RAD51B: variants seen among roughly 807,000 people sequenced by gnomAD.
The protein encoded by RAD51B is DNA repair protein RAD51 homolog 2.
A neutral mutation model predicts 42.2 loss-of-function variants in RAD51B; 38 were observed. The ratio of observed to expected loss-of-function variants is 0.90; its 90% confidence interval spans 0.70 to 1.18. The LOEUF (loss-of-function observed/expected upper bound fraction) is 1.18, where lower values mean the gene tolerates loss of function less well. Ranked by LOEUF, RAD51B falls within the 50% of genes most tolerant of loss-of-function variation. The probability of loss-of-function intolerance (pLI) is 0.00; values close to 1 mark genes in which losing one functional copy is unlikely to be tolerated. For missense variants in RAD51B, 373 were observed against 400.7 expected (o/e 0.93, Z 0.59); for synonymous variants, 154 against 145.2 (o/e 1.06, Z -0.43).
At chr14:68,156,267 C>G (rs1225112092) in intron 7 of RAD51B, among the ~76,000 whole-genome samples, 1 of 152,164 alleles carries the variant, frequency 6.6e-6, no homozygotes, top group Non-Finnish European at 1.5e-5. Flanking sequence ...AGAGTCCTTG[C>G]AGAATGGAAG....
intron 7 of RAD51B, among the ~76,000 whole-genome samples, chr14:67,970,812 C>T (rs539821811): frequency 1.3e-5 from 2 of 152,032 alleles, no homozygotes; most frequent in East Asian, 3.9e-4. Context: ...ATAATTTAGA[C>T]AAAGGAGATA....
At chr14:68,260,030 GAT>G (rs1275291721) in intron 7 of RAD51B, among the ~76,000 whole-genome samples, 2 of 152,040 alleles carry the variant, frequency 1.3e-5, no homozygotes, top group African/African-American at 4.8e-5. Context: ...TTCGAGTGGT[GAT>G]ATATTTGACC....
intron 10 of RAD51B, among the ~76,000 whole-genome samples, chr14:68,617,205 T>C (rs1891843826): frequency 6.6e-6 from 1 of 152,146 alleles, no homozygotes; most frequent in African/African-American, 2.4e-5. Flanking sequence ...CTTTAAGGAG[T>C]ATTGAGTTTT....
chr14:68,681,550 C>A (rs903503158), intron 11 of RAD51B, among the ~76,000 whole-genome samples: 1 of 152,156 alleles, frequency 6.6e-6, no homozygotes, highest in South Asian at 2.1e-4. Context: ...ATGGAGCAGG[C>A]AGGTGCCTTT....
At chr14:68,596,727 C>T (rs1891012366), downstream of RAD51B, among the ~76,000 whole-genome samples, 1 of 152,266 alleles carries the variant, frequency 6.6e-6, no homozygotes, top group Non-Finnish European at 1.5e-5. Flanking sequence ...ATCTAGCTTT[C>T]AGCTACTCCT....
chr14:67,945,067 C>T (rs2140190659), intron 7 of RAD51B, among the ~76,000 whole-genome samples: 1 of 152,266 alleles, frequency 6.6e-6, no homozygotes, highest in Non-Finnish European at 1.5e-5. Context: ...GGCAAGACCT[C>T]CTTTGGCTAC....
At chr14:68,063,804 G>T (rs1379364926) in intron 7 of RAD51B, among the ~76,000 whole-genome samples, 1 of 152,140 alleles carries the variant, frequency 6.6e-6, no homozygotes, top group African/African-American at 2.4e-5. Context: ...GTCGGATCTT[G>T]TTTTATTATA....
At chr14:68,662,639 A>G (rs1892955796) in intron 11 of RAD51B, among the ~76,000 whole-genome samples, 1 of 152,214 alleles carries the variant, frequency 6.6e-6, no homozygotes. Flanking sequence ...GCTGCCTACC[A>G]CAATGCCATG....
At chr14:68,041,066 G>A (rs2076209688) in intron 7 of RAD51B, among the ~76,000 whole-genome samples, 1 of 152,126 alleles carries the variant, frequency 6.6e-6, no homozygotes, top group Non-Finnish European at 1.5e-5. Flanking sequence ...TGGATCATGG[G>A]GGTGAATTTC....
chr14:68,649,788 A>G (rs116409936), intron 10 of RAD51B, among the ~76,000 whole-genome samples: 2,922 of 152,232 alleles, frequency 0.019, 90 homozygotes, highest in African/African-American at 0.065. Flanking sequence ...CATGATGAAC[A>G]CCTTCCGCAA....
At chr14:68,675,252 C>G (rs1470333368) in intron 11 of RAD51B, among the ~76,000 whole-genome samples, 2 of 152,150 alleles carry the variant, frequency 1.3e-5, no homozygotes, top group African/African-American at 4.8e-5. Context: ...GGGTCTAAAA[C>G]AATCTGGGTT....
chr14:68,032,542 T>C (rs569605203), intron 7 of RAD51B, among the ~76,000 whole-genome samples: 10 of 152,314 alleles, frequency 6.6e-5, no homozygotes, highest in African/African-American at 2.4e-4. Context: ...CCTCTCTACA[T>C]TTAATCATCA....
chr14:68,385,648 CATT>C (rs1484462761), intron 8 of RAD51B, among the ~76,000 whole-genome samples: 5 of 152,178 alleles, frequency 3.3e-5, no homozygotes, highest in African/African-American at 9.7e-5. Context: ...TCATAATCAT[CATT>C]GTCTCTGCTG....
intron 3 of RAD51B, among the ~76,000 whole-genome samples, chr14:67,827,606 CTATTCTT>C (rs2140282988): frequency 6.6e-6 from 1 of 152,242 alleles, no homozygotes; most frequent in South Asian, 2.1e-4. Flanking sequence ...CGTCCATTAG[CTATTCTT>C]CCTGAAGCTC....
At chr14:68,207,294 G>T (rs575422433) in intron 7 of RAD51B, among the ~76,000 whole-genome samples, 1 of 152,182 alleles carries the variant, frequency 6.6e-6, no homozygotes, top group Admixed American at 6.5e-5. Context: ...TAGAAATCAT[G>T]AATTGATTCA....
At chr14:68,455,817 G>C (rs2085671654) in intron 9 of RAD51B, among the ~76,000 whole-genome samples, 1 of 151,964 alleles carries the variant, frequency 6.6e-6, no homozygotes, top group Non-Finnish European at 1.5e-5. Flanking sequence ...TCATTTGTAA[G>C]TCTTTTCCTC....
rs77981621 is a variant in RAD51B, at chr14:68,297,222, C to T, written c.853+5242C>T. On this transcript the variant is annotated intron_variant, in intron 8 of 10. Coordinates refer to ENST00000471583, the MANE Select transcript of RAD51B (RefSeq NM_133510.4). ...TGTGAAAGAAGCAAACTTCAAAGCG[C>T]GGTATGAATTTTCAAGTCTTATTTC... is the stretch of plus-strand genomic sequence containing the variant. Among the ~76,000 whole-genome samples, 1,013 of 152,224 alleles carry T rather than the reference C, an allele frequency of 6.7e-3. 8 individuals carry two copies. The highest frequency in any genetic ancestry group is 0.021 in the African/African-American group (869 of 41,536).
At chr14:67,853,606 T>C (rs1297032342) in intron 4 of RAD51B, among the ~76,000 whole-genome samples, 1 of 152,210 alleles carries the variant, frequency 6.6e-6, no homozygotes, top group East Asian at 1.9e-4. Flanking sequence ...TCTTTGTTTC[T>C]GGTTAAAAGG....
At chr14:68,205,305 G>A (rs911509048) in intron 7 of RAD51B, among the ~76,000 whole-genome samples, 4 of 152,166 alleles carry the variant, frequency 2.6e-5, no homozygotes, top group Non-Finnish European at 4.4e-5. Flanking sequence ...AATAGACAAA[G>A]CCTATTTTAG....
Sources: allele counts gnomAD v4.1 joint callset (sites outside exome capture counted in the v4.1 genomes callset), GRCh38; gene constraint gnomAD v4.1.1; transcripts MANE v1.5; gene names NCBI Gene and HGNC (gene_info 2026-07-23, HGNC 2026-07-21).